RNF166: variants seen among roughly 807,000 people sequenced by gnomAD.
RNF166 encodes E3 ubiquitin-protein ligase RNF166.
In RNF166, 19 loss-of-function variants were observed where a neutral mutation model predicts 29.4. The ratio of observed to expected loss-of-function variants is 0.65; its 90% CI spans 0.45 to 0.95. The LOEUF (loss-of-function observed/expected upper bound fraction) is 0.95, where lower values mean the gene tolerates loss of function less well. Ranked by LOEUF, RNF166 falls within the 40% of genes least tolerant of loss-of-function variation. The pLI, the probability that RNF166 is intolerant of heterozygous loss-of-function variation, is 0.00. For synonymous variants in RNF166, 171 were observed against 134.5 expected (o/e 1.27, Z -1.88); for missense variants, 347 against 322.1 (o/e 1.08, Z -0.59).
Position 88,697,855 on chromosome 16 carries a change from G to A in RNF166, c.649-222C>T, listed in dbSNP as rs896891070. On this transcript the variant is annotated intron_variant, in intron 5 of 5. Coordinates refer to ENST00000312838, the MANE Select transcript of RNF166 (RefSeq NM_178841.4). Reference sequence around the variant, plus strand: ...TCACCCGCTGGGTACGGGGGCACTCGGAATGGATGGCTGCTGGTTCAGGTC... The same window carrying A: ...TCACCCGCTGGGTACGGGGGCACTCAGAATGGATGGCTGCTGGTTCAGGTC... 1.3e-4 allele frequency: 65 copies of A among 519,664 alleles called. No homozygotes were observed. The East Asian group carries it at 1.7e-3, about 13-fold the overall frequency. 32.2% of individuals were successfully genotyped at this position (519,664 alleles called of 1,614,324 possible).
At position 88,697,214 on chromosome 16, in the gene RNF166, C is replaced by T. The variant is rs567595302; in HGVS notation, c.*354G>A. On this transcript the variant is annotated 3_prime_UTR_variant, in exon 6 of 6. Coordinates refer to ENST00000312838, the MANE Select transcript of RNF166 (RefSeq NM_178841.4). ...GCCTGGGTTCCTCCCGGCTCGACTGCGGAGCGCGACTCGCGCGTCGGTCCC... is the reference window on the plus strand; with the variant it reads ...GCCTGGGTTCCTCCCGGCTCGACTGTGGAGCGCGACTCGCGCGTCGGTCCC... The T allele has an allele frequency of 1.3e-4, 26 of 197,298 alleles. No individual in the cohort carries two copies. The highest frequency in any genetic ancestry group is 1.7e-4 in the Non-Finnish European group (16 of 96,522). The allele number at this position is 197,298 out of a possible 1,614,324, so 12.2% of individuals were successfully genotyped here.
intron 1 of RNF166, chr16:88,703,917 G>T: frequency 1.0e-5 from 10 of 985,460 alleles, no homozygotes; most frequent in Non-Finnish European, 1.2e-5. Context: ...AGTGGAGGCT[G>T]CTCACACAGC....
rs1909932658 is a variant in RNF166, at chr16:88,699,040, G to A, written c.471C>T (p.Ala157=). The stretch of plus-strand genomic sequence containing the variant: ...CCAGCTCCTGCTGGTCCAGGTTGCG[G>A]GCACCACAGTACGGGCAGGCGAAGG... The part of the protein sequence containing the change: ...RSTFACPYCG[A]RNLDQQELVK... The change falls in exon 4 of 6, where the codon GCC becomes GCT. Residue 157 remains alanine, a synonymous_variant. Coordinates refer to ENST00000312838, the MANE Select transcript of RNF166 (RefSeq NM_178841.4). 1 of 1,611,146 alleles carries A rather than the reference G, an allele frequency of 6.2e-7. No homozygotes were observed. Among genetic ancestry groups the A allele is most frequent in the Non-Finnish European group, 8.5e-7 (1 of 1,179,082 alleles).
chr16:88,699,152 T>C, intron 3 of RNF166, 67 bp from the exon 4 acceptor site: 3 of 1,137,020 alleles, frequency 2.6e-6, no homozygotes, highest in Non-Finnish European at 3.9e-6. Flanking sequence ...CCCGCTTCTC[T>C]CAAACACAGG....
At position 88,706,260 on chromosome 16, in the gene RNF166, GC is replaced by G; in HGVS notation, c.65del (p.Gly22AlafsTer84). 7.7e-7 allele frequency: 1 copy of G among 1,293,242 alleles called. No individual in the cohort carries two copies. Among genetic ancestry groups the G allele is most frequent in the Non-Finnish European group, 9.8e-7 (1 of 1,018,476 alleles). The allele number at this position is 1,293,242 out of a possible 1,614,324, so 80.1% of individuals were successfully genotyped here. A position where few individuals can be genotyped will look rare whatever the true frequency, so the allele number is the denominator to read the frequency against. ...QQRQPPAGPA[G>X]GDSGLEAQYT... is the part of the protein sequence containing the mutation. ...ACTGCGCCTCCAGGCCGCTGTCGCC[GC>G]CCGCCGGCCCGGCCGGCGGCTGCCG... On this transcript the variant is annotated frameshift_variant, in exon 1 of 6. Transcript: ENST00000312838. LOFTEE classifies it high-confidence loss of function.
chr16:88,698,350 C>T (rs1245555032), intron 5 of RNF166, 152 bp downstream of exon 5: 1 of 739,036 alleles, frequency 1.4e-6, no homozygotes, highest in Non-Finnish European at 2.4e-6. Flanking sequence ...AGGCAGCCCC[C>T]ACAGAACCTG....
intron 5 of RNF166, chr16:88,698,242 GGGCAGGCAGGGACCTGCCCT>G (rs1395506370): frequency 4.1e-4 from 268 of 655,706 alleles, no homozygotes; most frequent in Non-Finnish European, 6.8e-4. Flanking sequence ...TCTGTGGGGT[GGGCAGGCAGGGACCTGCCCT>G]GTGCGGTCCA....
In RNF166 at chr16:88,697,531, C is replaced by T. The variant is rs1430942341; in HGVS notation, c.*37G>A. On this transcript the variant is annotated 3_prime_UTR_variant, in exon 6 of 6. Transcript: ENST00000312838. ...GGTGCGACACAGGAGCGGGGACATCCCTGACCCCAGACGCAGGCGGGTGGC... is the reference window on the plus strand; with the variant it reads ...GGTGCGACACAGGAGCGGGGACATCTCTGACCCCAGACGCAGGCGGGTGGC... 4 of 1,492,052 alleles carry T rather than the reference C, an allele frequency of 2.7e-6. No individual in the cohort carries two copies. Among genetic ancestry groups the T allele is most frequent in the East Asian group, 5.0e-5 (2 of 40,262 alleles). 92.4% of individuals were successfully genotyped at this position (1,492,052 alleles called of 1,614,324 possible). A position where few individuals can be genotyped will look rare whatever the true frequency, so the allele number is the denominator to read the frequency against.
At chr16:88,701,672 G>A (rs1029443892) in intron 1 of RNF166, 5 of 462,860 alleles carry the variant, frequency 1.1e-5, no homozygotes, top group East Asian at 3.6e-5. Flanking sequence ...CGGCAGAGCC[G>A]TCACTATGGC....
intron 5 of RNF166, chr16:88,698,282 G>A (rs1336075720): frequency 2.9e-6 from 2 of 700,184 alleles, no homozygotes; most frequent in South Asian, 3.0e-5. Flanking sequence ...ATGTCCCCGA[G>A]AGGCCTGGGC....
chr16:88,704,487 G>A (rs1597413850), intron 1 of RNF166: 2 of 985,364 alleles, frequency 2.0e-6, no homozygotes, highest in Non-Finnish European at 2.4e-6. Context: ...CTACATTTTA[G>A]GAAAAGACAT....
In RNF166 at chr16:88,703,889, C is replaced by T. The variant is rs796126172; in HGVS notation, c.155+2282G>A. 4.6e-5 allele frequency: 45 copies of T among 985,470 alleles called. No individual in the cohort carries two copies. The African/African-American group carries it at 6.6e-4, about 15-fold the overall frequency. The allele number at this position is 985,470 out of a possible 1,614,324, so 61.0% of individuals were successfully genotyped here. On this transcript the variant is annotated intron_variant, in intron 1 of 5. Coordinates refer to ENST00000312838, the MANE Select transcript of RNF166 (RefSeq NM_178841.4). ...GGCAGGCCAGCACCCTCAGCAAGCC[C>T]CACAGCTGTCCTGCACGAGTGGAGG...
chr16:88,706,334 C>T lies in RNF166; in HGVS notation c.-9G>A, dbSNP rs1208169749. 9.9e-6 allele frequency: 12 copies of T among 1,213,760 alleles called. No individual in the cohort carries two copies. The East Asian group carries it at 1.7e-4, about 18-fold the overall frequency. The allele number at this position is 1,213,760 out of a possible 1,614,324, so 75.2% of individuals were successfully genotyped here. ...CTGCGGAACATAGCCATCCCGGGGCCAGGCCCGCGCCGCCCGCCGCCCGCT... is the reference window on the plus strand; with the variant it reads ...CTGCGGAACATAGCCATCCCGGGGCTAGGCCCGCGCCGCCCGCCGCCCGCT... On this transcript the variant is annotated 5_prime_UTR_variant, in exon 1 of 6. Transcript: ENST00000312838.
chr16:88,699,489 G>T, intron 3 of RNF166, 131 bp downstream of exon 3: 1 of 690,368 alleles, frequency 1.4e-6, no homozygotes, highest in Non-Finnish European at 2.4e-6. Context: ...GGCAAGGAAG[G>T]TCCACTTCCC....
At chr16:88,704,150 C>G in intron 1 of RNF166, 1 of 985,466 alleles carries the variant, frequency 1.0e-6, no homozygotes, top group East Asian at 1.1e-4. Flanking sequence ...GGGGAGCTTG[C>G]GGAGGGGACA....
At chr16:88,703,558 C>G (rs1335883589) in intron 1 of RNF166, 1 of 985,312 alleles carries the variant, frequency 1.0e-6, no homozygotes, top group Admixed American at 6.1e-5. Context: ...GGTGGGTGCT[C>G]TATCGGCCTA....
At chr16:88,703,748 G>A in intron 1 of RNF166, 2 of 985,502 alleles carry the variant, frequency 2.0e-6, no homozygotes, top group Non-Finnish European at 2.4e-6. Flanking sequence ...AAAGGGAGGG[G>A]CGATCGCGCA....
At chr16:88,701,069 T>G in intron 2 of RNF166, 193 bp downstream of exon 2, 1 of 1,306,392 alleles carries the variant, frequency 7.7e-7, no homozygotes, top group East Asian at 2.6e-5. Flanking sequence ...CCGTCAGCCG[T>G]CACCACAGGA....
chr16:88,698,925 C>A (rs745748335), intron 4 of RNF166, 46 bp downstream of exon 4: 2 of 1,413,782 alleles, frequency 1.4e-6, no homozygotes, highest in South Asian at 2.5e-5. Flanking sequence ...CTGTCCCCCA[C>A]AGGCCTCCCC....
Sources: allele counts gnomAD v4.1 joint callset, GRCh38; gene constraint gnomAD v4.1.1; transcripts MANE v1.5; gene names NCBI Gene and HGNC (gene_info 2026-07-23, HGNC 2026-07-21).